SORCS1: variants seen among roughly 807,000 people sequenced by gnomAD.
SORCS1 encodes VPS10 domain-containing receptor SorCS1.
SORCS1 carries 60 observed loss-of-function variants against 146.1 expected under a neutral mutation model. That is an observed-to-expected ratio of 0.41 (90% CI 0.33 to 0.51). The LOEUF (loss-of-function observed/expected upper bound fraction) is 0.51. Ranked by LOEUF, SORCS1 falls within the 20% of genes least tolerant of loss-of-function variation. The pLI is 0.21. For missense variants in SORCS1, 1,352 were observed against 1,487.6 expected, an observed-to-expected ratio of 0.91 and a Z score of 1.50; for synonymous variants, 637 against 584.0, an observed-to-expected ratio of 1.09 and a Z score of -1.31.
chr10:107,033,133 G>A (rs1236267014), intron 1 of SORCS1, among the ~76,000 whole-genome samples: 2 of 152,164 alleles, frequency 1.3e-5, no homozygotes. Context: ...CATGGTGGAA[G>A]GCAAAGGAGA....
chr10:106,923,536 C>T (rs189208791), intron 2 of SORCS1, among the ~76,000 whole-genome samples: 9 of 152,102 alleles, frequency 5.9e-5, no homozygotes, highest in East Asian at 1.9e-4. Flanking sequence ...TAAGAAACTG[C>T]GAAACTGTTT....
intron 24 of SORCS1, among the ~76,000 whole-genome samples, chr10:106,595,982 T>C (rs1845880652): frequency 6.6e-6 from 1 of 152,232 alleles, no homozygotes; most frequent in South Asian, 2.1e-4. Context: ...TTTCAGACAC[T>C]ATCCTAAGTG....
At chr10:106,794,604 G>A (rs890320297) in intron 3 of SORCS1, among the ~76,000 whole-genome samples, 5 of 148,780 alleles carry the variant, frequency 3.4e-5, no homozygotes, top group South Asian at 2.1e-4. Context: ...CCGGGTTCAC[G>A]CCATTCTCCT....
chr10:106,577,422 A>T lies in SORCS1; in HGVS notation c.3505T>A (p.Ter1169LysextTer26), dbSNP rs781092312. The change falls in exon 26 of 26, where the codon TAA becomes AAA. Residue 1169 changes from the stop codon to lysine, a stop_lost. Transcript: ENST00000263054. The part of the protein sequence containing the change: ...RGSAGAQYAI[*>K] ...CCTGTAGCCTTTGGGGGTTTTCCTT[A>T]AATTGCATACTGTGCCCCAGCAGAT... 1 of 1,613,996 alleles carries T rather than the reference A, an allele frequency of 6.2e-7. No homozygotes were observed. The highest frequency in any genetic ancestry group is 8.5e-7 in the Non-Finnish European group (1 of 1,179,886).
At chr10:106,805,061 C>T (rs1387086097) in intron 3 of SORCS1, among the ~76,000 whole-genome samples, 1 of 152,150 alleles carries the variant, frequency 6.6e-6, no homozygotes, top group Non-Finnish European at 1.5e-5. Context: ...TTTAAGCCCT[C>T]CTGAGCACTA....
intron 2 of SORCS1, among the ~76,000 whole-genome samples, chr10:106,873,467 C>T (rs1300352391): frequency 6.6e-6 from 1 of 152,090 alleles, no homozygotes; most frequent in Non-Finnish European, 1.5e-5. Flanking sequence ...ATCATTTTCA[C>T]AAAACTTCAG....
chr10:106,717,799 T>C (rs1425660855), intron 6 of SORCS1, among the ~76,000 whole-genome samples: 2 of 152,156 alleles, frequency 1.3e-5, no homozygotes, highest in African/African-American at 4.8e-5. Flanking sequence ...CAATGCAGCA[T>C]GGTGAGCGCA....
rs1844639735 is a variant in SORCS1 at position 106,577,499 on chromosome 10, A to C, written c.3428T>G (p.Leu1143Arg). The C allele has an allele frequency of 6.6e-7, 1 of 1,513,806 alleles. No individual in the cohort carries two copies. 93.8% of individuals were successfully genotyped at this position (1,513,806 alleles called of 1,614,324 possible). Residue 1143 changes from leucine to arginine, a missense_variant, in exon 26 of 26, where the codon CTC becomes CGC. This residue lies in a region of SORCS1 where 214 missense variants were observed against 204.8 expected (regional missense o/e 1.05). Transcript: ENST00000263054. ...GGCGTGTCTTGCTCTTTGCAATCGG[A>C]GAGATGAGTCACCAGGTTGAGTAGA... is the stretch of plus-strand genomic sequence containing the variant. The part of the protein sequence containing the change: ...SPSTQPGDSS[L>R]RLQRARHATP...
chr10:107,168,345 T>A (rs1970096334), upstream of SORCS1, among the ~76,000 whole-genome samples: 1 of 152,242 alleles, frequency 6.6e-6, no homozygotes, highest in Admixed American at 6.5e-5. Flanking sequence ...TATCAATCTC[T>A]TGCCAGATCT....
At chr10:107,021,954 C>T (rs1397108154) in intron 1 of SORCS1, among the ~76,000 whole-genome samples, 1 of 152,130 alleles carries the variant, frequency 6.6e-6, no homozygotes, top group Non-Finnish European at 1.5e-5. Flanking sequence ...ATGATATTGT[C>T]ACAAACATGG....
chr10:106,734,344 T>A (rs1233453016), intron 5 of SORCS1, among the ~76,000 whole-genome samples: 4 of 152,164 alleles, frequency 2.6e-5, no homozygotes, highest in African/African-American at 7.2e-5. Context: ...TGACTGAAGT[T>A]GAAAACAGGC....
chr10:107,165,292 A>AATGT (rs1554966846), upstream of SORCS1, among the ~76,000 whole-genome samples: 6 of 142,716 alleles, frequency 4.2e-5, no homozygotes, highest in Admixed American at 4.2e-4. This position sits in a 1 kb window ranked among gnomAD's most constrained non-coding sequence, Gnocchi z 4.0. Context: ...CTCGTGTGTG[A>AATGT]GTGTGTGTGT....
At chr10:107,035,146 C>T (rs1445362226) in intron 1 of SORCS1, among the ~76,000 whole-genome samples, 1 of 151,206 alleles carries the variant, frequency 6.6e-6, no homozygotes, top group Non-Finnish European at 1.5e-5. Flanking sequence ...AGATGGAATA[C>T]ACTGACCCAG....
At chr10:106,867,353 C>T (rs1481448441) in intron 2 of SORCS1, among the ~76,000 whole-genome samples, 2 of 151,276 alleles carry the variant, frequency 1.3e-5, no homozygotes, top group African/African-American at 2.4e-5. Flanking sequence ...GGTGCAGTCT[C>T]GGCTCACTGC....
At chr10:106,796,219 G>A (rs530506672) in intron 3 of SORCS1, among the ~76,000 whole-genome samples, 2 of 152,272 alleles carry the variant, frequency 1.3e-5, no homozygotes, top group South Asian at 4.2e-4. Context: ...TGTGTAAAGT[G>A]AAGAATTTCT....
intron 24 of SORCS1, among the ~76,000 whole-genome samples, chr10:106,592,179 G>T (rs964354527): frequency 1.6e-4 from 24 of 152,122 alleles, no homozygotes; most frequent in Non-Finnish European, 3.5e-4. Context: ...GAGAATTTCA[G>T]AAACATACCT....
At chr10:106,984,393 C>CTTT (rs1956366553) in intron 1 of SORCS1, among the ~76,000 whole-genome samples, 1 of 123,002 alleles carries the variant, frequency 8.1e-6, no homozygotes, top group African/African-American at 3.2e-5. Context: ...TAGTGATTTC[C>CTTT]ATTTTTTTTT....
chr10:107,179,670 C>G, the SORCS1 span, among the ~76,000 whole-genome samples: 1 of 152,082 alleles, frequency 6.6e-6, no homozygotes, highest in Non-Finnish European at 1.5e-5. Context: ...TTGCATTTCT[C>G]TTATGGATAA....
At chr10:107,001,556 C>G (rs572365953) in intron 1 of SORCS1, among the ~76,000 whole-genome samples, 2 of 152,132 alleles carry the variant, frequency 1.3e-5, no homozygotes, top group East Asian at 3.9e-4. Flanking sequence ...CTCCGTCTCC[C>G]GGGTTCAAGC....
Sources: gnomAD v4.1 joint callset for allele counts (sites outside exome capture counted in the v4.1 genomes callset) on GRCh38, gnomAD v4.1.1 for gene constraint, gnomAD v4.1.1 regional missense constraint, Gnocchi (gnomAD v3.1) non-coding constraint, MANE v1.5 for transcripts, NCBI Gene and HGNC (gene_info 2026-07-23, HGNC 2026-07-21) for gene names.